Variants in DNAJC11 observed in about 807,000 individuals in gnomAD.
DNAJC11 encodes the protein DnaJ heat shock protein family (Hsp40) member C11.
In DNAJC11, 15 loss-of-function variants were observed where a neutral mutation model predicts 78.6. The observed-to-expected ratio is 0.19, with a 90% CI of 0.13 to 0.29. The LOEUF is 0.29. DNAJC11 is among the 10% of genes least tolerant of loss of function. The pLI is 1.00. For synonymous variants in DNAJC11, 292 were observed against 272.1 expected (o/e 1.07, Z -0.72); for missense variants, 547 against 709.6 (o/e 0.77, Z 2.60).
chr1:6,639,600 G>A (rs904864901), intron 11 of DNAJC11, among the ~76,000 whole-genome samples: 4 of 152,142 alleles, frequency 2.6e-5, no homozygotes, highest in African/African-American at 9.7e-5. Flanking sequence ...CCAAAGTGCT[G>A]GGAATACAGG....
At chr1:6,658,303 A>G (rs1040339671) in intron 4 of DNAJC11, among the ~76,000 whole-genome samples, 1 of 152,252 alleles carries the variant, frequency 6.6e-6, no homozygotes, top group Non-Finnish European at 1.5e-5. Flanking sequence ...AACTAATCAA[A>G]GGAAACGAAT....
At chr1:6,641,432 CAA>C (rs1419281310) in intron 10 of DNAJC11, among the ~76,000 whole-genome samples, 238 of 140,118 alleles carry the variant, frequency 1.7e-3, no homozygotes, top group African/African-American at 5.7e-3. Flanking sequence ...CACACACACA[CAA>C]ACAGAGACAG....
rs116141372 is a variant in DNAJC11 at position 6,668,193 on chromosome 1, C to G, written c.277-383G>C. On this transcript the variant is annotated intron_variant, in intron 3 of 15. Transcript: ENST00000377577. ...CGCTCTGTCGCCCAAGCTGAAGTGC[C>G]GTGCATTATCTCAGCTCACTGCAAG... 3.7e-3 allele frequency: 658 copies of G among 178,416 alleles called. 2 individuals are homozygous for G. Among genetic ancestry groups the G allele is most frequent in the African/African-American group, 0.015 (629 of 42,204 alleles). The allele number at this position is 178,416 out of a possible 1,614,324, so 11.1% of individuals were successfully genotyped here.
intron 10 of DNAJC11, 124 bp from the exon 11 acceptor site, chr1:6,640,181 C>G: frequency 3.3e-6 from 4 of 1,223,636 alleles, no homozygotes; most frequent in South Asian, 1.6e-5. Context: ...GTTAAAGGAG[C>G]CTGCAGTCTG....
chr1:6,650,146 C>T (rs1642032363), intron 7 of DNAJC11, among the ~76,000 whole-genome samples: 1 of 151,660 alleles, frequency 6.6e-6, no homozygotes, highest in South Asian at 2.1e-4. Flanking sequence ...CATGGTGGTG[C>T]ACACCTGTAG....
chr1:6,654,136 G>A, intron 4 of DNAJC11, 97 bp from the exon 5 acceptor site: 1 of 1,475,844 alleles, frequency 6.8e-7, no homozygotes. Flanking sequence ...AATTGAACAA[G>A]TCATTTGACT....
At chr1:6,688,180 T>C (rs369551294) in intron 1 of DNAJC11, among the ~76,000 whole-genome samples, 7 of 152,188 alleles carry the variant, frequency 4.6e-5, no homozygotes, top group African/African-American at 1.7e-4. Flanking sequence ...TGTTTCATCT[T>C]TTGGCATGCT....
At chr1:6,663,355 C>T (rs1048616701) in intron 4 of DNAJC11, among the ~76,000 whole-genome samples, 4 of 152,052 alleles carry the variant, frequency 2.6e-5, no homozygotes, top group Non-Finnish European at 4.4e-5. Flanking sequence ...AACAAGATCA[C>T]GAAGGAGGCA....
Position 6,638,369 on chromosome 1 carries a change from C to G in DNAJC11, c.1254-5G>C. The G allele has an allele frequency of 6.2e-7, 1 of 1,612,804 alleles. No individual in the cohort carries two copies. The highest frequency in any genetic ancestry group is 2.2e-5 in the East Asian group (1 of 44,848). ...TCCCTCTGCTTCTCCAATTCCCTTA[C>G]GCGAGAGGAACACAAGCCCCACGTT... On this transcript the variant is annotated splice_polypyrimidine_tract_variant and splice_region_variant and intron_variant, in intron 11 of 15. Transcript: ENST00000377577.
intron 7 of DNAJC11, among the ~76,000 whole-genome samples, chr1:6,649,838 G>A (rs566971699): frequency 1.3e-5 from 2 of 151,898 alleles, no homozygotes; most frequent in Admixed American, 6.6e-5. Flanking sequence ...CTCCCAAGTA[G>A]CTGGGACTAC....
rs535939572 is a variant in DNAJC11, at chr1:6,653,327, A to C, written c.508-376T>G. Among the ~76,000 whole-genome samples, 1 of 152,156 alleles carries C rather than the reference A, an allele frequency of 6.6e-6. No homozygotes were observed. Among genetic ancestry groups the C allele is most frequent in the South Asian group, 2.1e-4 (1 of 4,822 alleles). On this transcript the variant is annotated intron_variant, in intron 5 of 15. Transcript: ENST00000377577. The surrounding 1 kb of genome is among the most constrained non-coding windows in gnomAD (Gnocchi z 4.5). ...CTTCCCATGGCTGTATTCTGTATCAACTGACTCAGGGAGCTCCAAGAGGGG... is the reference window on the plus strand; with the variant it reads ...CTTCCCATGGCTGTATTCTGTATCACCTGACTCAGGGAGCTCCAAGAGGGG...
In DNAJC11 at chr1:6,653,078, A is replaced by G. The variant is rs112304264; in HGVS notation, c.508-127T>C. ...ACGATTCCTCTGTTCAGAAGCACAC[A>G]TGGATGCAGAACTGCCGCAACAGCT... is the stretch of plus-strand genomic sequence containing the variant. On this transcript the variant is annotated intron_variant, in intron 5 of 15. Transcript: ENST00000377577. This position sits in a 1 kb window ranked among gnomAD's most constrained non-coding sequence, Gnocchi z 4.5. 4 of 1,092,658 alleles carry G rather than the reference A, an allele frequency of 3.7e-6. No homozygotes were observed. The highest frequency in any genetic ancestry group is 2.2e-5 in the Admixed American group (1 of 45,526). 67.7% of individuals were successfully genotyped at this position (1,092,658 alleles called of 1,614,324 possible).
In DNAJC11 at chr1:6,680,445, T is replaced by G. The variant is rs140607704; in HGVS notation, c.202+463A>C. On this transcript the variant is annotated intron_variant, in intron 2 of 15. Coordinates refer to ENST00000377577, the MANE Select transcript of DNAJC11 (RefSeq NM_018198.4). This position sits in a 1 kb window ranked among gnomAD's most constrained non-coding sequence, Gnocchi z 4.0. ...CATAAGTATAAAAATGTGAATCACT[T>G]GGTTCTATTTCCTATAAGCCTTCTT... Among the ~76,000 whole-genome samples, 138 of 152,348 alleles carry G rather than the reference T, an allele frequency of 9.1e-4. No individual in the cohort carries two copies. Among genetic ancestry groups the G allele is most frequent in the African/African-American group, 3.1e-3 (129 of 41,582 alleles).
chr1:6,651,916 A>ACCC (rs1642059768), intron 6 of DNAJC11, among the ~76,000 whole-genome samples: 4 of 149,462 alleles, frequency 2.7e-5, no homozygotes, highest in Admixed American at 2.0e-4. Context: ...GGCTCCCCCT[A>ACCC]CCCCTCCCGG....
chr1:6,690,448 C>G (rs1212179630), intron 1 of DNAJC11, among the ~76,000 whole-genome samples: 1 of 152,168 alleles, frequency 6.6e-6, no homozygotes, highest in Non-Finnish European at 1.5e-5. Flanking sequence ...ATTTGCCCCC[C>G]ACAAAACCTG....
chr1:6,666,603 T>G (rs566932251), intron 4 of DNAJC11, among the ~76,000 whole-genome samples: 17 of 152,210 alleles, frequency 1.1e-4, no homozygotes, highest in Admixed American at 1.1e-3. Flanking sequence ...GGTTTCACCA[T>G]ATTGCCCAGG....
At chr1:6,672,189 A>G (rs1182340690) in intron 3 of DNAJC11, among the ~76,000 whole-genome samples, 1 of 152,226 alleles carries the variant, frequency 6.6e-6, no homozygotes, top group East Asian at 1.9e-4. Context: ...AGTTTTAAAA[A>G]ATGCAGATTT....
intron 1 of DNAJC11, among the ~76,000 whole-genome samples, chr1:6,689,096 G>C (rs1642702277): frequency 6.6e-6 from 1 of 152,172 alleles, no homozygotes; most frequent in Non-Finnish European, 1.5e-5. Flanking sequence ...CAAGAAATAA[G>C]AGGAAGTCAT....
chr1:6,636,017 G>A, intron 15 of DNAJC11, 100 bp downstream of exon 15: 1 of 1,470,354 alleles, frequency 6.8e-7, no homozygotes. Flanking sequence ...CAGGTGGGCA[G>A]CTGAGGAAGG....
Sources: allele counts gnomAD v4.1 joint callset (sites outside exome capture counted in the v4.1 genomes callset), GRCh38; gene constraint gnomAD v4.1.1; non-coding constraint Gnocchi (gnomAD v3.1); transcripts MANE v1.5; gene names NCBI Gene and HGNC (gene_info 2026-07-23, HGNC 2026-07-21).